IQCM: variants seen among roughly 807,000 people sequenced by gnomAD.
The protein encoded by IQCM is IQ motif containing M, also known as IQ domain-containing protein M.
In IQCM, 45 loss-of-function variants were observed where a neutral mutation model predicts 57.6. The ratio of observed to expected loss-of-function variants is 0.78; its 90% CI spans 0.62 to 1.00. IQCM has a LOEUF of 1.00. IQCM is among the 50% of genes least tolerant of loss of function. The pLI is 0.00. For missense variants in IQCM, 468 were observed against 511.6 expected, an observed-to-expected ratio of 0.91 and a Z score of 0.82; for synonymous variants, 148 against 158.9, an observed-to-expected ratio of 0.93 and a Z score of 0.51.
chr4:149,383,175 T>G (rs543732813), intron 13 of IQCM, among the ~76,000 whole-genome samples: 1 of 152,274 alleles, frequency 6.6e-6, no homozygotes, highest in Admixed American at 6.5e-5. Context: ...TTTTGATGTC[T>G]GGTTAGATTG....
At chr4:149,764,098 G>A (rs2149970894) in intron 2 of IQCM, among the ~76,000 whole-genome samples, 1 of 152,148 alleles carries the variant, frequency 6.6e-6, no homozygotes, top group South Asian at 2.1e-4. Context: ...ACCTTGTTGG[G>A]GCACAACAAC....
intron 2 of IQCM, among the ~76,000 whole-genome samples, chr4:149,753,032 G>A (rs1768606971): frequency 6.6e-6 from 1 of 152,172 alleles, no homozygotes; most frequent in Non-Finnish European, 1.5e-5. Context: ...TGGGAACTTA[G>A]GGGCAACTAC....
In IQCM at chr4:149,733,414, A is replaced by G. The variant is rs921580461; in HGVS notation, c.215T>C (p.Val72Ala). The change falls in exon 5 of 14, where the codon GTA (valine) becomes GCA (alanine). Residue 72 changes from valine to alanine, a missense_variant. By Grantham distance (64) the Val-to-Ala change is moderately conservative. Transcript: ENST00000636793. ...ATGTTCTTGCACCACATCACGTGTT[A>G]CCTTTTTGTCAATCTCCAAAGGTAT... ...KYIPLEIDKK[V>A]TRDVVQEHRA... 8.1e-7 allele frequency: 1 copy of G among 1,231,740 alleles called. No individual in the cohort carries two copies. The highest frequency in any genetic ancestry group is 1.0e-6 in the Non-Finnish European group (1 of 987,736). 76.3% of individuals were successfully genotyped at this position (1,231,740 alleles called of 1,614,324 possible).
At chr4:149,398,664 GT>G (rs916665205) in intron 13 of IQCM, among the ~76,000 whole-genome samples, 3 of 151,812 alleles carry the variant, frequency 2.0e-5, no homozygotes, top group South Asian at 2.1e-4. Context: ...TTATTGCATT[GT>G]TTTTTGACAG....
intron 13 of IQCM, among the ~76,000 whole-genome samples, chr4:149,381,922 G>A (rs931302095): frequency 6.6e-6 from 1 of 151,946 alleles, no homozygotes; most frequent in Non-Finnish European, 1.5e-5. Context: ...TTACAGATAT[G>A]TGCCACCAAG....
chr4:149,641,154 A>T (rs1041192816), intron 7 of IQCM, among the ~76,000 whole-genome samples: 2 of 152,190 alleles, frequency 1.3e-5, no homozygotes, highest in Non-Finnish European at 2.9e-5. Flanking sequence ...ATTTTAATTG[A>T]TGCTCAAATA....
At chr4:149,619,482 A>G (rs1279200574) in intron 8 of IQCM, among the ~76,000 whole-genome samples, 3 of 152,174 alleles carry the variant, frequency 2.0e-5, no homozygotes, top group Non-Finnish European at 2.9e-5. Context: ...AAAAACAAAC[A>G]TAATAAAAAC....
At chr4:149,376,373 A>G (rs1730700334) in intron 13 of IQCM, among the ~76,000 whole-genome samples, 1 of 152,152 alleles carries the variant, frequency 6.6e-6, no homozygotes, top group Non-Finnish European at 1.5e-5. Context: ...TTTTTAAATA[A>G]TGGGATTTTA....
chr4:149,354,220 C>T lies in IQCM; in HGVS notation c.1391-2154G>A, dbSNP rs11940251. Among the ~76,000 whole-genome samples the T allele has an allele frequency of 2.4e-3, 352 of 147,546 alleles. 3 individuals are homozygous for T. Among genetic ancestry groups the T allele is most frequent in the African/African-American group, 8.5e-3 (338 of 39,954 alleles). On this transcript the variant is annotated intron_variant, in intron 13 of 13. Coordinates refer to ENST00000636793, the MANE Select transcript of IQCM (RefSeq NM_001363507.2). ...TCTACTAAAAATACAAAAAATTAGC[C>T]GGGCGTAGTGGCGGGCGCCTGTAGT...
chr4:149,639,802 A>G (rs1352787683), intron 7 of IQCM, among the ~76,000 whole-genome samples: 5 of 152,130 alleles, frequency 3.3e-5, no homozygotes, highest in Non-Finnish European at 7.4e-5. Flanking sequence ...AGTGGCATGC[A>G]TCTGTAGTCC....
chr4:149,362,954 G>A (rs773484357), intron 13 of IQCM, among the ~76,000 whole-genome samples: 1 of 152,160 alleles, frequency 6.6e-6, no homozygotes, highest in Non-Finnish European at 1.5e-5. Flanking sequence ...GATTTTATGT[G>A]CTCTGGAATG....
chr4:149,562,131 T>C lies in IQCM; in HGVS notation c.948+1561A>G, dbSNP rs539495925. Among the ~76,000 whole-genome samples the C allele has an allele frequency of 5.9e-5, 9 of 152,340 alleles. No individual in the cohort carries two copies. In the East Asian group the frequency reaches 1.5e-3, roughly 26 times the overall value. On this transcript the variant is annotated intron_variant, in intron 10 of 13. Transcript: ENST00000636793. ...GTCGTGTGTACTATGTTATAGTTCC[T>C]ACTATATCCTGTAAGCAATATAGGT...
In IQCM at chr4:149,777,372, G is replaced by A. The variant is rs558993411; in HGVS notation, c.-48-34633C>T. On this transcript the variant is annotated intron_variant, in intron 2 of 13. Coordinates refer to ENST00000636793, the MANE Select transcript of IQCM (RefSeq NM_001363507.2). ...GATGCGTATGTGTTTTTAGAACACC[G>A]TCTGGTTCATAACTGGCTTTCTAAC... is the stretch of plus-strand genomic sequence containing the variant. Among the ~76,000 whole-genome samples the A allele has an allele frequency of 2.9e-4, 44 of 152,254 alleles. No homozygotes were observed. The South Asian group carries it at 7.0e-3, about 24-fold the overall frequency.
chr4:149,731,336 G>A (rs1417381015), intron 5 of IQCM, among the ~76,000 whole-genome samples: 5 of 152,024 alleles, frequency 3.3e-5, no homozygotes, highest in Non-Finnish European at 5.9e-5. Context: ...TTGTCCCATC[G>A]AGAGGACAGA....
chr4:149,486,029 CTCT>C (rs1741456393), intron 12 of IQCM, among the ~76,000 whole-genome samples: 2 of 136,132 alleles, frequency 1.5e-5, no homozygotes, highest in African/African-American at 7.0e-5. Flanking sequence ...CTCTCTCTCT[CTCT>C]CTCTCTCTCT....
At chr4:149,479,160 A>G (rs1740515397) in intron 12 of IQCM, among the ~76,000 whole-genome samples, 1 of 152,218 alleles carries the variant, frequency 6.6e-6, no homozygotes, top group Admixed American at 6.5e-5. Context: ...TAGCACAGTA[A>G]TTCATATTTG....
chr4:149,646,566 C>G (rs1758654295), intron 7 of IQCM, among the ~76,000 whole-genome samples: 1 of 152,052 alleles, frequency 6.6e-6, no homozygotes, highest in Non-Finnish European at 1.5e-5. Flanking sequence ...AGTTGACAAA[C>G]TTTTTACTTC....
chr4:149,420,363 A>C lies in IQCM; in HGVS notation c.1390+13033T>G, dbSNP rs373082269. Among the ~76,000 whole-genome samples the C allele has an allele frequency of 1.1e-4, 16 of 152,188 alleles. No individual in the cohort carries two copies. The East Asian group carries it at 2.7e-3, about 26-fold the overall frequency. On this transcript the variant is annotated intron_variant, in intron 13 of 13. Transcript: ENST00000636793. The stretch of plus-strand genomic sequence containing the variant: ...TGCAAGAACACGGATTATCCTCAGC[A>C]AACTAATGCAGGAACAGAAAACCAA...
intron 7 of IQCM, among the ~76,000 whole-genome samples, chr4:149,652,865 T>C (rs1175259707): frequency 6.6e-6 from 1 of 152,132 alleles, no homozygotes; most frequent in Non-Finnish European, 1.5e-5. Context: ...ATCTTGAAAC[T>C]GAAGGACATA....
Sources: gnomAD v4.1 joint callset for allele counts (sites outside exome capture counted in the v4.1 genomes callset) on GRCh38, gnomAD v4.1.1 for gene constraint, MANE v1.5 for transcripts, NCBI Gene and HGNC (gene_info 2026-07-23, HGNC 2026-07-21) for gene names.